ABCA8: variants seen among roughly 807,000 people sequenced by gnomAD.
ABCA8 encodes the protein ATP binding cassette subfamily A member 8.
A neutral mutation model predicts 192.3 loss-of-function variants in ABCA8; 177 were observed. That is an observed-to-expected ratio of 0.92 (90% confidence interval 0.81 to 1.04). The LOEUF (loss-of-function observed/expected upper bound fraction) is 1.04. Among genes scored for constraint, ABCA8 ranks in the 50% least tolerant of loss-of-function variants. The probability of loss-of-function intolerance (pLI) is 0.00; values close to 1 mark genes in which losing one functional copy is unlikely to be tolerated. For synonymous variants in ABCA8, 642 were observed against 690.2 expected, an observed-to-expected ratio of 0.93 and a Z score of 1.09; for missense variants, 1,915 against 1,904.8, an observed-to-expected ratio of 1.01 and a Z score of -0.10.
In ABCA8 at chr17:68,940,946, A is replaced by G. The variant is rs1011373589; in HGVS notation, c.113T>C (p.Leu38Ser). 4 of 1,608,394 alleles carry G rather than the reference A, an allele frequency of 2.5e-6. No individual in the cohort carries two copies. The highest frequency in any genetic ancestry group is 2.7e-5 in the African/African-American group (2 of 74,786). The change falls in exon 4 of 40, where the codon TTG becomes TCG. Residue 38 changes from leucine (L) to serine (S), a missense_variant. By Grantham distance (145) the Leu-to-Ser change is moderately radical. Coordinates refer to ENST00000586539, the MANE Select transcript of ABCA8 (RefSeq NM_001288985.2). Reference sequence around the variant, plus strand: ...TATATACAAACAAAGTAGTAGGAGCAATGAATTCAGCCATTCCTATATAAT... The same window carrying G: ...TATATACAAACAAAGTAGTAGGAGCGATGAATTCAGCCATTCCTATATAAT... ...RESLMEWLNS[L>S]LLLLCLYIYP...
chr17:68,911,766 C>CACAT lies in ABCA8; in HGVS notation c.2139-3888_2139-3887insATGT, dbSNP rs1471622251. The stretch of plus-strand genomic sequence containing the variant: ...ACACACACACACACACACACACACA[C>CACAT]ACACTCCATTTGGAGAAAGATAAGG... On this transcript the variant is annotated intron_variant, in intron 17 of 39. Coordinates refer to ENST00000586539, the MANE Select transcript of ABCA8 (RefSeq NM_001288985.2). The surrounding 1 kb of genome is among the most constrained non-coding windows in gnomAD (Gnocchi z 5.7). Among the ~76,000 whole-genome samples, 1 of 151,862 alleles carries CACAT rather than the reference C, an allele frequency of 6.6e-6. No individual in the cohort carries two copies. The highest frequency in any genetic ancestry group is 2.4e-5 in the African/African-American group (1 of 41,302).
Position 68,924,778 on chromosome 17 carries a change from A to G in ABCA8, c.1365T>C (p.Asp455=), listed in dbSNP as rs2067650028. The change falls in exon 11 of 40, where the codon GAT becomes GAC. Residue 455 remains aspartate (D), a synonymous_variant. Coordinates refer to ENST00000586539, the MANE Select transcript of ABCA8 (RefSeq NM_001288985.2). ...GAAATGAAGGATCGGCATCCATTTC[A>G]TCTTCAAGGGCCACGTGATCAGTCT... ...TQKTDHVALE[D]EMDADPSFHD... 6.2e-7 allele frequency: 1 copy of G among 1,614,032 alleles called. No homozygotes were observed. The highest frequency in any genetic ancestry group is 1.3e-5 in the African/African-American group (1 of 74,938).
At chr17:68,906,292 C>T (rs968144477) in intron 18 of ABCA8, 129 bp from the exon 19 acceptor site, 37 of 612,650 alleles carry the variant, frequency 6.0e-5, no homozygotes, top group Non-Finnish European at 5.4e-5. Flanking sequence ...TGAAAATTAA[C>T]ATTTCATAAT....
intron 17 of ABCA8, among the ~76,000 whole-genome samples, chr17:68,914,272 A>G (rs2067297956): frequency 6.6e-6 from 1 of 152,140 alleles, no homozygotes; most frequent in Non-Finnish European, 1.5e-5. Flanking sequence ...GTTATTCAAC[A>G]TAGTACTGGA....
At chr17:68,875,142 A>G in intron 37 of ABCA8, 118 bp downstream of exon 37, 1 of 1,401,766 alleles carries the variant, frequency 7.1e-7, no homozygotes. Flanking sequence ...TACTTCCTGC[A>G]GAATCCAACA....
rs1443597328 is a variant in ABCA8, at chr17:68,885,278, A to G, written c.3467T>C (p.Ile1156Thr). ...VFSVAGFAFS[I>T]FESDIPFIFT... Reference sequence around the variant, plus strand: ...GATAAATGGAATATCACTTTCGAAGATACTGAACGCAAATCCAGCCACAGA... The same window carrying G: ...GATAAATGGAATATCACTTTCGAAGGTACTGAACGCAAATCCAGCCACAGA... The change falls in exon 27 of 40, where the codon ATC becomes ACC. Residue 1156 changes from isoleucine (I) to threonine (T), a missense_variant. Physicochemically the swap from Ile to Thr is moderately conservative, Grantham distance 89 (BLOSUM62 -1). Coordinates refer to ENST00000586539, the MANE Select transcript of ABCA8 (RefSeq NM_001288985.2). The G allele has an allele frequency of 6.2e-7, 1 of 1,613,296 alleles. No individual in the cohort carries two copies. Among genetic ancestry groups the G allele is most frequent in the African/African-American group, 1.3e-5 (1 of 74,884 alleles).
chr17:68,937,528 T>A (rs2068102223), intron 4 of ABCA8, among the ~76,000 whole-genome samples: 1 of 152,160 alleles, frequency 6.6e-6, no homozygotes, highest in African/African-American at 2.4e-5. Flanking sequence ...TCTTTAATAA[T>A]CCTGATGGTA....
chr17:68,885,814 T>A (rs2066444692), intron 26 of ABCA8, among the ~76,000 whole-genome samples: 2 of 152,144 alleles, frequency 1.3e-5, no homozygotes, highest in Non-Finnish European at 2.9e-5. Flanking sequence ...CCTTCCAAAG[T>A]GCTAGGGTTA....
At chr17:68,935,539 C>CATATATATATATATAT (rs1567877214) in intron 5 of ABCA8, among the ~76,000 whole-genome samples, 23 of 41,826 alleles carry the variant, frequency 5.5e-4, no homozygotes, top group Middle Eastern at 0.017. Flanking sequence ...GAGTAGTATT[C>CATATATATATATATAT]CTATATATAT....
In ABCA8 at chr17:68,937,047, T is replaced by G. The variant is rs772066253; in HGVS notation, c.370A>C (p.Ile124Leu). The change falls in exon 5 of 40, where the codon ATA (isoleucine) becomes CTA (leucine). Residue 124 changes from isoleucine (I) to leucine (L), a missense_variant. Transcript: ENST00000586539. ...GTATTAGTAAAGGTGACTCTTACTA[T>G]TTCTTCAGGATAATTTGCTGTGAAT... The part of the protein sequence containing the change: ...KEFTANYPEE[I>L]VRVTFTNTYS... The G allele has an allele frequency of 7.4e-6, 12 of 1,610,864 alleles. No individual in the cohort carries two copies. Among genetic ancestry groups the G allele is most frequent in the Non-Finnish European group, 1.0e-5 (12 of 1,178,486 alleles).
At position 68,899,932 on chromosome 17, in the gene ABCA8, T is replaced by C. The variant is rs8066738; in HGVS notation, c.2764+2781A>G. Among the ~76,000 whole-genome samples the C allele has an allele frequency of 3.7e-3, 563 of 152,236 alleles. 2 individuals carry two copies. Among genetic ancestry groups the C allele is most frequent in the African/African-American group, 0.013 (533 of 41,560 alleles). On this transcript the variant is annotated intron_variant, in intron 21 of 39. Coordinates refer to ENST00000586539, the MANE Select transcript of ABCA8 (RefSeq NM_001288985.2). ...AATTAAAACATGATATACCGAAACT[T>C]ATGCTATGCAGCGAAAGCATAGCTT...
chr17:68,884,697 C>A (rs764155284), intron 27 of ABCA8: 91 of 1,090,958 alleles, frequency 8.3e-5, no homozygotes, highest in Non-Finnish European at 9.8e-5. Flanking sequence ...ACTTCACATA[C>A]CTTCCTGTGC....
chr17:68,903,073 T>G (rs2066956254), intron 20 of ABCA8, among the ~76,000 whole-genome samples, 194 bp from the exon 21 acceptor site: 1 of 152,220 alleles, frequency 6.6e-6, no homozygotes, highest in East Asian at 1.9e-4. Context: ...CTTTGTTCAT[T>G]TCTCCTGTTG....
chr17:68,924,953 G>A, intron 10 of ABCA8, 84 bp from the exon 11 acceptor site: 2 of 1,397,320 alleles, frequency 1.4e-6, no homozygotes, highest in Non-Finnish European at 1.9e-6. Context: ...CGGCAACACA[G>A]CCCTTTGTTG....
Position 68,907,804 on chromosome 17 carries a change from TA to T in ABCA8, c.2213del (p.Leu738TyrfsTer15). 6.2e-7 allele frequency: 1 copy of T among 1,609,924 alleles called. No individual in the cohort carries two copies. Among genetic ancestry groups the T allele is most frequent in the African/African-American group, 1.3e-5 (1 of 74,950 alleles). Reference sequence around the variant, plus strand: ...TAAGTTTTCCTTCGCTTTTGGCTGATAATTTGGCATCAGGGATGTGCTGTTT... The same window carrying T: ...TAAGTTTTCCTTCGCTTTTGGCTGATATTTGGCATCAGGGATGTGCTGTTT... ...LVKQHIPDAK[L>X]SAKSEGKLIY... On this transcript the variant is annotated frameshift_variant, in exon 18 of 40. Coordinates refer to ENST00000586539, the MANE Select transcript of ABCA8 (RefSeq NM_001288985.2). LOFTEE classifies it high-confidence loss of function.
At chr17:68,893,976 C>T (rs4148000) in intron 23 of ABCA8, 197 bp downstream of exon 23, 16 of 504,636 alleles carry the variant, frequency 3.2e-5, no homozygotes, top group Admixed American at 1.9e-4. Context: ...ATGTTTTGTT[C>T]ATTTTATTTT....
intron 17 of ABCA8, among the ~76,000 whole-genome samples, chr17:68,915,029 T>C (rs2067320107): frequency 6.6e-6 from 1 of 152,024 alleles, no homozygotes; most frequent in Admixed American, 6.5e-5. Flanking sequence ...ACCAGGAATA[T>C]ACATTGGGGA....
chr17:68,904,745 T>A (rs2067018841), intron 19 of ABCA8, among the ~76,000 whole-genome samples: 2 of 152,128 alleles, frequency 1.3e-5, no homozygotes, highest in African/African-American at 4.8e-5. Context: ...TGGGGGCAGA[T>A]ACTCAGAAAA....
At chr17:68,885,048 C>T in intron 27 of ABCA8, 148 bp downstream of exon 27, 1 of 1,122,168 alleles carries the variant, frequency 8.9e-7, no homozygotes, top group Non-Finnish European at 1.2e-6. Context: ...ATTGTTTTAT[C>T]TGGGAGAAAA....
Sources: allele counts gnomAD v4.1 joint callset (sites outside exome capture counted in the v4.1 genomes callset), GRCh38; gene constraint gnomAD v4.1.1; non-coding constraint Gnocchi (gnomAD v3.1); transcripts MANE v1.5; gene names NCBI Gene and HGNC (gene_info 2026-07-23, HGNC 2026-07-21).